The following MAP4 variants were observed in gnomAD, a reference collection of about 807,000 sequenced individuals.
The protein encoded by MAP4 is microtubule-associated protein 4.
Under a neutral mutation model 170.2 loss-of-function variants are expected in MAP4, and 76 were observed. That is an observed-to-expected ratio of 0.45 (90% CI 0.37 to 0.54). MAP4 has a LOEUF of 0.54. Ranked by LOEUF, MAP4 falls within the 20% of genes least tolerant of loss-of-function variation. MAP4 has a pLI of 0.00. For missense variants in MAP4, 2,506 were observed against 2,748.0 expected, an observed-to-expected ratio of 0.91 and a Z score of 1.97; for synonymous variants, 909 against 994.5, an observed-to-expected ratio of 0.91 and a Z score of 1.62.
At chr3:48,016,718 A>G (rs2100107995), upstream of MAP4, among the ~76,000 whole-genome samples, 3 of 152,186 alleles carry the variant, frequency 2.0e-5, no homozygotes. Context: ...CTAACACAGG[A>G]AAACATTCAG....
At chr3:47,975,264 G>A (rs1196815895) in intron 3 of MAP4, 1 of 1,445,060 alleles carries the variant, frequency 6.9e-7, no homozygotes, top group East Asian at 2.5e-5. Flanking sequence ...ACCCTGCAGA[G>A]CACAAGAGGA....
chr3:47,901,981 G>A (rs1230834557), intron 10 of MAP4, among the ~76,000 whole-genome samples: 1 of 152,084 alleles, frequency 6.6e-6, no homozygotes, highest in Non-Finnish European at 1.5e-5. Context: ...GCAACAGAGT[G>A]AGACCCCATC....
chr3:47,944,075 G>A (rs1343444959), intron 3 of MAP4, among the ~76,000 whole-genome samples: 1 of 152,072 alleles, frequency 6.6e-6, no homozygotes, highest in African/African-American at 2.4e-5. Context: ...ACTTTGGGAG[G>A]CTGAGGCAGG....
chr3:47,853,142 A>G, intron 20 of MAP4, 21 bp downstream of exon 20: 1 of 1,607,138 alleles, frequency 6.2e-7, no homozygotes. Flanking sequence ...GCTGGCCCTT[A>G]GGCCGAGCCC....
At chr3:47,992,945 G>T (rs1015222699) in intron 2 of MAP4, among the ~76,000 whole-genome samples, 1 of 149,408 alleles carries the variant, frequency 6.7e-6, no homozygotes, top group South Asian at 2.1e-4. Flanking sequence ...GTTATAACAC[G>T]TCTGAACAGG....
chr3:47,954,550 C>T (rs2100066535), intron 3 of MAP4, among the ~76,000 whole-genome samples: 1 of 152,258 alleles, frequency 6.6e-6, no homozygotes, highest in African/African-American at 2.4e-5. Context: ...ATTAACAAGC[C>T]CAGGTCCCCT....
In MAP4 at chr3:47,919,916, TTTGTTGTTG is replaced by T. The variant is rs34455536; in HGVS notation, c.530-1084_530-1076del. ...TTTTATTAAAATACTTTGTAGCAGT[TTTGTTGTTG>T]TTGTTGTTGTTGTTGTTTGCCCAGC... is the stretch of plus-strand genomic sequence containing the variant. On this transcript the variant is annotated intron_variant, in intron 5 of 20. Transcript: ENST00000683076. Among the ~76,000 whole-genome samples, 41 of 151,194 alleles carry T rather than the reference TTTGTTGTTG, an allele frequency of 2.7e-4. No individual in the cohort carries two copies. The East Asian group carries it at 5.0e-3, about 19-fold the overall frequency.
In MAP4 at chr3:47,909,228, C is replaced by A; in HGVS notation, c.5193G>T (p.Leu1731Phe). Residue 1731 changes from leucine to phenylalanine, a missense_variant, in exon 9 of 21, where the codon TTG becomes TTT. This residue lies in a region of MAP4 where 2,008 missense variants were observed against 2,206.0 expected (regional missense o/e 0.91). Transcript: ENST00000683076. ...VRLPEPKDKILETPQKMTEKS... is the reference protein window; with the variant it reads ...VRLPEPKDKIFETPQKMTEKS... The stretch of plus-strand genomic sequence containing the variant: ...TTTCTGTCATTTTCTGAGGTGTCTC[C>A]AAAATCTTATCTTTGGGTTCTGGGA... 6.2e-7 allele frequency: 1 copy of A among 1,613,772 alleles called. No individual in the cohort carries two copies. The highest frequency in any genetic ancestry group is 1.3e-5 in the African/African-American group (1 of 74,982).
intron 9 of MAP4, among the ~76,000 whole-genome samples, chr3:47,905,067 T>C (rs2100032194): frequency 6.6e-6 from 1 of 152,134 alleles, no homozygotes; most frequent in Non-Finnish European, 1.5e-5. Flanking sequence ...TGAGAATTGG[T>C]AGCAATATGG....
At chr3:47,903,209 C>A (rs1227765998) in intron 9 of MAP4, among the ~76,000 whole-genome samples, 2 of 152,132 alleles carry the variant, frequency 1.3e-5, no homozygotes, top group Non-Finnish European at 2.9e-5. Flanking sequence ...CAAGTTTGTG[C>A]TTCCCTTCAC....
chr3:47,891,612 T>G, intron 10 of MAP4: 2 of 1,536,046 alleles, frequency 1.3e-6, no homozygotes, highest in Non-Finnish European at 8.7e-7. Flanking sequence ...ACTGCCTTTT[T>G]CTGCTGGGGG....
intron 3 of MAP4, among the ~76,000 whole-genome samples, chr3:47,933,863 A>T (rs2100051292): frequency 1.3e-5 from 2 of 152,142 alleles, no homozygotes; most frequent in South Asian, 4.1e-4. Flanking sequence ...CAGCCTCCCA[A>T]AGTGCTGGGA....
Position 47,911,984 on chromosome 3 carries a change from G to A in MAP4, c.2437C>T (p.Pro813Ser). The A allele has an allele frequency of 1.0e-5, 16 of 1,536,084 alleles. No homozygotes were observed. Among genetic ancestry groups the A allele is most frequent in the Non-Finnish European group, 1.4e-5 (16 of 1,146,896 alleles). ...AADTQKSGVL[P>S]SQPTTMGTEY... Reference sequence around the variant, plus strand: ...GTACCCATAGTGGTAGGCTGGCTGGGGAGAACACCTGATTTTTGTGTGTCA... The same window carrying A: ...GTACCCATAGTGGTAGGCTGGCTGGAGAGAACACCTGATTTTTGTGTGTCA... The change falls in exon 9 of 21, where the codon CCC becomes TCC. Residue 813 changes from proline to serine, a missense_variant. Physicochemically the swap from Pro to Ser is moderately conservative, Grantham distance 74 (BLOSUM62 -1). Coordinates refer to ENST00000683076, the MANE Select transcript of MAP4 (RefSeq NM_001385682.1). This position sits in a 1 kb window ranked among gnomAD's most constrained non-coding sequence, Gnocchi z 4.0.
intron 3 of MAP4, among the ~76,000 whole-genome samples, chr3:47,955,847 C>A (rs1307642076): frequency 6.6e-6 from 1 of 152,070 alleles, no homozygotes; most frequent in Non-Finnish European, 1.5e-5. Context: ...GCCATTTGGG[C>A]CTTATGATCT....
intron 1 of MAP4, among the ~76,000 whole-genome samples, chr3:48,071,869 A>T (rs2100141192): frequency 6.6e-6 from 1 of 151,862 alleles, no homozygotes; most frequent in African/African-American, 2.4e-5. Context: ...GCGCCACTTC[A>T]CTCCAGCCTA....
At chr3:47,858,451 C>T (rs2060065203) in intron 17 of MAP4, among the ~76,000 whole-genome samples, 1 of 152,086 alleles carries the variant, frequency 6.6e-6, no homozygotes, top group Non-Finnish European at 1.5e-5. Flanking sequence ...ACACCAGCAC[C>T]AAGGCTCCCA....
In MAP4 at chr3:47,917,181, T is replaced by G. The variant is rs770347393; in HGVS notation, c.653-7A>C. On this transcript the variant is annotated splice_region_variant and splice_polypyrimidine_tract_variant and intron_variant, in intron 6 of 20. Transcript: ENST00000683076. ...TTGGCTAGCTCTAAGGGAACTAAATTGGAAATTTAGGACACATCATTGTCT... is the reference window on the plus strand; with the variant it reads ...TTGGCTAGCTCTAAGGGAACTAAATGGGAAATTTAGGACACATCATTGTCT... The G allele has an allele frequency of 4.4e-6, 7 of 1,607,996 alleles. No homozygotes were observed. The African/African-American group carries it at 9.4e-5, about 22-fold the overall frequency.
In MAP4 at chr3:48,039,108, AAAAC is replaced by A. The variant is rs1217003536; in HGVS notation, c.-19-40233_-19-40230del. Among the ~76,000 whole-genome samples, 8 of 152,322 alleles carry A rather than the reference AAAAC, an allele frequency of 5.3e-5. No individual in the cohort carries two copies. In the East Asian group the frequency reaches 7.7e-4, roughly 15 times the overall value. On this transcript the variant is annotated intron_variant, in intron 1 of 18. Coordinates refer to the MAP4 transcript ENST00000360240. The stretch of plus-strand genomic sequence containing the variant: ...GACAGAGGGAAACTCTGTCTCAAAA[AAAAC>A]AAACAAACAAAAACAGCAACAGAAA...
At chr3:47,908,965 C>T in intron 9 of MAP4, 73 bp downstream of exon 9, 1 of 1,472,122 alleles carries the variant, frequency 6.8e-7, no homozygotes, top group Non-Finnish European at 9.2e-7. Context: ...GGAGCCAAGA[C>T]ACAAGCTCTT....
Sources: gnomAD v4.1 joint callset for allele counts (sites outside exome capture counted in the v4.1 genomes callset) on GRCh38, gnomAD v4.1.1 for gene constraint, gnomAD v4.1.1 regional missense constraint, Gnocchi (gnomAD v3.1) non-coding constraint, MANE v1.5 for transcripts, NCBI Gene and HGNC (gene_info 2026-07-23, HGNC 2026-07-21) for gene names.